The following SGCZ variants were observed in gnomAD, a reference collection of about 807,000 sequenced individuals.
SGCZ encodes zeta-sarcoglycan.
SGCZ carries 40 observed loss-of-function variants against 41.3 expected under a neutral mutation model. The observed-to-expected ratio is 0.97, with a 90% confidence interval of 0.75 to 1.26. The LOEUF is 1.26. Among genes scored for constraint, SGCZ ranks in the 50% most tolerant of loss-of-function variants. The pLI, the probability that SGCZ is intolerant of heterozygous loss-of-function variation, is 0.00. For missense variants in SGCZ, 552 were observed against 369.8 expected (o/e 1.49, Z -4.04); for synonymous variants, 206 against 137.5 (o/e 1.50, Z -3.49).
At chr8:15,189,972 C>T (rs1031210839) in intron 1 of SGCZ, among the ~76,000 whole-genome samples, 25 of 152,126 alleles carry the variant, frequency 1.6e-4, no homozygotes, top group African/African-American at 6.0e-4. Context: ...CTTGGTATTT[C>T]AGACCCATAA....
intron 2 of SGCZ, among the ~76,000 whole-genome samples, chr8:14,382,870 G>C (rs1157647905): frequency 6.6e-6 from 1 of 152,112 alleles, no homozygotes; most frequent in Admixed American, 6.6e-5. Flanking sequence ...GTACTCCAAT[G>C]GTTACTGACC....
intron 1 of SGCZ, among the ~76,000 whole-genome samples, chr8:15,133,529 C>T (rs1807993694): frequency 6.6e-6 from 1 of 152,184 alleles, no homozygotes; most frequent in African/African-American, 2.4e-5. Flanking sequence ...TTTACTCACT[C>T]TTCTCTGGGA....
Position 15,237,594 on chromosome 8 carries a change from C to G in SGCZ, c.30G>C (p.Glu10Asp), listed in dbSNP as rs1802178841. Residue 10 changes from glutamate (E) to aspartate (D), a missense_variant, in exon 1 of 8, where the codon GAG becomes GAC. By Grantham distance (45) the Glu-to-Asp change is conservative. Coordinates refer to ENST00000382080, the MANE Select transcript of SGCZ (RefSeq NM_139167.4). ...CCGGACCCGCACGTACCTTGAGCTC[C>G]TCAATGTCCAGGTTCGTTGATCTGT... is the stretch of plus-strand genomic sequence containing the variant. Reference protein sequence around the residue: MDRSTNLDIEELKMTREQYI... With the variant: MDRSTNLDIDELKMTREQYI... 1.3e-6 allele frequency: 2 copies of G among 1,591,140 alleles called. No individual in the cohort carries two copies. The highest frequency in any genetic ancestry group is 8.6e-7 in the Non-Finnish European group (1 of 1,167,110).
intron 1 of SGCZ, among the ~76,000 whole-genome samples, chr8:15,098,430 G>C (rs1031608984): frequency 1.1e-4 from 17 of 152,096 alleles, no homozygotes; most frequent in African/African-American, 3.4e-4. Flanking sequence ...GACCCGCCTA[G>C]TATCACACAG....
intron 1 of SGCZ, among the ~76,000 whole-genome samples, chr8:14,975,976 GTGTA>G (rs1801461292): frequency 7.5e-6 from 1 of 134,192 alleles, no homozygotes; most frequent in African/African-American, 2.7e-5. Context: ...GTGTGCGTGT[GTGTA>G]TGTGTGTATA....
intron 1 of SGCZ, among the ~76,000 whole-genome samples, chr8:15,134,252 C>T (rs902020773): frequency 2.0e-5 from 3 of 151,184 alleles, no homozygotes; most frequent in African/African-American, 7.3e-5. Flanking sequence ...AGTATCATCT[C>T]ATAAACATAA....
chr8:14,128,373 G>A (rs779493672), intron 5 of SGCZ, among the ~76,000 whole-genome samples: 8 of 152,120 alleles, frequency 5.3e-5, no homozygotes, highest in South Asian at 2.1e-4. Context: ...TACACCGTTC[G>A]GAACAGCTAC....
chr8:14,315,538 C>T (rs1332280693), intron 3 of SGCZ, among the ~76,000 whole-genome samples: 2 of 151,996 alleles, frequency 1.3e-5, no homozygotes, highest in African/African-American at 2.4e-5. Flanking sequence ...TTAATAGTAA[C>T]TCCCTTTTAC....
intron 2 of SGCZ, among the ~76,000 whole-genome samples, chr8:14,395,316 A>T (rs1486032470): frequency 6.6e-6 from 1 of 152,202 alleles, no homozygotes; most frequent in Admixed American, 6.5e-5. Flanking sequence ...GAAATAAAAG[A>T]GTAGGATTCT....
At chr8:14,631,613 G>A (rs1360262688) in intron 1 of SGCZ, among the ~76,000 whole-genome samples, 1 of 152,082 alleles carries the variant, frequency 6.6e-6, no homozygotes, top group South Asian at 2.1e-4. Flanking sequence ...TATCTAATAA[G>A]TATGTCTCCC....
At chr8:14,588,153 T>C (rs922573575) in intron 1 of SGCZ, among the ~76,000 whole-genome samples, 2 of 151,424 alleles carry the variant, frequency 1.3e-5, no homozygotes, top group Admixed American at 6.6e-5. Flanking sequence ...TTAGACCAAA[T>C]TAGAATATGA....
intron 1 of SGCZ, among the ~76,000 whole-genome samples, chr8:14,779,016 CA>C (rs1800500450): frequency 1.3e-5 from 2 of 152,116 alleles, no homozygotes; most frequent in South Asian, 4.1e-4. Flanking sequence ...GAAATATGTA[CA>C]ATACTATCCA....
chr8:14,487,066 T>G (rs1018566024), intron 2 of SGCZ, among the ~76,000 whole-genome samples: 1 of 152,170 alleles, frequency 6.6e-6, no homozygotes, highest in Non-Finnish European at 1.5e-5. Flanking sequence ...GAGCCCAGAT[T>G]CACAGTCCTC....
At chr8:15,169,033 T>C (rs552354597) in intron 1 of SGCZ, among the ~76,000 whole-genome samples, 7 of 152,284 alleles carry the variant, frequency 4.6e-5, no homozygotes, top group Non-Finnish European at 8.8e-5. Context: ...GATACATGTT[T>C]TCTAATAATC....
chr8:14,517,647 A>G (rs1445553968), intron 2 of SGCZ, among the ~76,000 whole-genome samples: 1 of 152,006 alleles, frequency 6.6e-6, no homozygotes, highest in Non-Finnish European at 1.5e-5. Context: ...TGCTCGTTGA[A>G]AATCTTGGTA....
At chr8:14,603,203 C>T (rs1805648635) in intron 1 of SGCZ, among the ~76,000 whole-genome samples, 1 of 152,036 alleles carries the variant, frequency 6.6e-6, no homozygotes, top group African/African-American at 2.4e-5. Context: ...AAATAAACGG[C>T]TTTTTTGATC....
chr8:14,632,876 C>T (rs1291304499), intron 1 of SGCZ, among the ~76,000 whole-genome samples: 4 of 151,884 alleles, frequency 2.6e-5, no homozygotes, highest in Admixed American at 2.6e-4. Context: ...AAATAAAATA[C>T]ATCAATAAAG....
intron 4 of SGCZ, among the ~76,000 whole-genome samples, chr8:14,213,768 A>G (rs1447924189): frequency 1.3e-5 from 2 of 152,164 alleles, no homozygotes; most frequent in Non-Finnish European, 2.9e-5. Flanking sequence ...ATTTGAAGAT[A>G]TTTAAATATT....
intron 4 of SGCZ, among the ~76,000 whole-genome samples, chr8:14,212,900 A>C (rs1303544903): frequency 6.6e-6 from 1 of 152,084 alleles, no homozygotes; most frequent in Non-Finnish European, 1.5e-5. Context: ...TTATCAAACT[A>C]AAAAAATATA....
Sources: gnomAD v4.1 joint callset for allele counts (sites outside exome capture counted in the v4.1 genomes callset) on GRCh38, gnomAD v4.1.1 for gene constraint, MANE v1.5 for transcripts, NCBI Gene and HGNC (gene_info 2026-07-23, HGNC 2026-07-21) for gene names.